MAST4: variants seen among roughly 807,000 people sequenced by gnomAD.
MAST4 encodes microtubule-associated serine/threonine-protein kinase 4.
Under a neutral mutation model 162.7 loss-of-function variants are expected in MAST4, and 89 were observed. The ratio of observed to expected loss-of-function variants is 0.55; its 90% CI spans 0.46 to 0.65. The LOEUF (loss-of-function observed/expected upper bound fraction) is 0.65, where lower values mean the gene tolerates loss of function less well. MAST4 is among the 30% of genes least tolerant of loss of function. The probability of loss-of-function intolerance (pLI) is 0.00; values close to 1 mark genes in which losing one functional copy is unlikely to be tolerated. For missense variants in MAST4, 3,153 were observed against 3,374.0 expected, an observed-to-expected ratio of 0.93 and a Z score of 1.62; for synonymous variants, 1,479 against 1,361.1, an observed-to-expected ratio of 1.09 and a Z score of -1.91.
intron 4 of MAST4, among the ~76,000 whole-genome samples, chr5:66,910,741 C>CTTTGTTTTTTTT (rs1763690763): frequency 1.6e-3 from 33 of 20,100 alleles, no homozygotes; most frequent in South Asian, 8.3e-3. Context: ...TTTTTTTTTT[C>CTTTGTTTTTTTT]TTTTTTTTTT....
chr5:67,063,572 C>T (rs1374773793), intron 5 of MAST4, among the ~76,000 whole-genome samples: 1 of 151,408 alleles, frequency 6.6e-6, no homozygotes, highest in Non-Finnish European at 1.5e-5. Flanking sequence ...CTGTTGGAAA[C>T]TGATGCCTAA....
At chr5:67,089,235 C>A (rs1049621882) in intron 5 of MAST4, among the ~76,000 whole-genome samples, 2 of 152,226 alleles carry the variant, frequency 1.3e-5, no homozygotes, top group Non-Finnish European at 2.9e-5. Context: ...TCAGACAATT[C>A]CGCCAATCTA....
intron 1 of MAST4, among the ~76,000 whole-genome samples, chr5:66,673,018 A>G (rs1002271796): frequency 6.6e-6 from 1 of 152,014 alleles, no homozygotes; most frequent in Admixed American, 6.5e-5. Flanking sequence ...TTTTGTTTTA[A>G]TTAGCGTTTC....
At position 67,142,141 on chromosome 5, in the gene MAST4, C is replaced by G. The variant is rs1284286706; in HGVS notation, c.2521C>G (p.Arg841Gly). The change falls in exon 20 of 29, where the codon CGA (arginine) becomes GGA (glycine). Residue 841 changes from arginine to glycine, a missense_variant. Arg to Gly is a moderately radical substitution (Grantham distance 125). Transcript: ENST00000403625. ...TGGAYEVKQH[R>G]FFRSLDWNSL... Reference sequence around the variant, plus strand: ...TGGTGCATATGAAGTCAAACAGCATCGATTCTTCCGTTCTTTAGACTGGAA... The same window carrying G: ...TGGTGCATATGAAGTCAAACAGCATGGATTCTTCCGTTCTTTAGACTGGAA... The G allele has an allele frequency of 1.2e-6, 2 of 1,613,866 alleles. No homozygotes were observed. Among genetic ancestry groups the G allele is most frequent in the Non-Finnish European group, 1.7e-6 (2 of 1,179,804 alleles).
In MAST4 at chr5:66,951,632, G is replaced by GTGTGTATGTA. The variant is rs1554072457; in HGVS notation, c.674+51655_674+51656insATGTATGTGT. Among the ~76,000 whole-genome samples, 233 of 133,578 alleles carry GTGTGTATGTA rather than the reference G, an allele frequency of 1.7e-3. 3 individuals carry two copies. Among genetic ancestry groups the GTGTGTATGTA allele is most frequent in the African/African-American group, 6.2e-3 (225 of 36,048 alleles). 87.6% of individuals were successfully genotyped at this position (133,578 alleles called of 152,430 possible). On this transcript the variant is annotated intron_variant, in intron 4 of 28. Coordinates refer to ENST00000403625, the MANE Select transcript of MAST4 (RefSeq NM_001164664.2). ...TGTGTGTGTGTGTGTGTGTGTGTGT[G>GTGTGTATGTA]TGTGTGTGTGTGTGTGTGTGTATTT...
At chr5:67,008,248 A>G (rs2150343428) in intron 4 of MAST4, among the ~76,000 whole-genome samples, 1 of 152,336 alleles carries the variant, frequency 6.6e-6, no homozygotes, top group South Asian at 2.1e-4. Context: ...AGACTGAAGT[A>G]ATGATTGCAT....
intron 26 of MAST4, among the ~76,000 whole-genome samples, chr5:67,157,113 A>G (rs1581752643): frequency 6.6e-6 from 1 of 152,254 alleles, no homozygotes; most frequent in Non-Finnish European, 1.5e-5. Context: ...AAATCGACCT[A>G]GTAAGCCACC....
In MAST4 at chr5:66,651,982, C is replaced by T. The variant is rs140271691; in HGVS notation, c.363+54964C>T. 7.1e-4 allele frequency among the ~76,000 whole-genome samples: 108 copies of T among 152,196 alleles called. 1 individual carries two copies. The highest frequency in any genetic ancestry group is 2.6e-3 in the African/African-American group (106 of 41,502). On this transcript the variant is annotated intron_variant, in intron 1 of 28. Coordinates refer to ENST00000403625, the MANE Select transcript of MAST4 (RefSeq NM_001164664.2). ...TTGGAAGTGATAGTCTATAATTTTG[C>T]CATGTTCTGGTCATCTGAAGCAAGT... is the stretch of plus-strand genomic sequence containing the variant.
intron 3 of MAST4, among the ~76,000 whole-genome samples, chr5:66,803,698 A>G (rs1580488540): frequency 6.6e-6 from 1 of 152,336 alleles, no homozygotes; most frequent in East Asian, 1.9e-4. Context: ...TTACTAATTT[A>G]TAATGATTCT....
intron 2 of MAST4, among the ~76,000 whole-genome samples, chr5:66,767,172 TGTGTGTGTG>T (rs1268064309): frequency 0.026 from 868 of 33,990 alleles, 7 homozygotes; most frequent in African/African-American, 0.054. Context: ...AAAGTGCACG[TGTGTGTGTG>T]TGTGTGTGTG....
Position 66,995,888 on chromosome 5 carries a change from T to TACACAC in MAST4, c.675-58496_675-58491dup, listed in dbSNP as rs34561453. ...GATGCTCTCTCAAAACACACTCACA[T>TACACAC]ACACACACACACACACACACACACA... is the stretch of plus-strand genomic sequence containing the variant. On this transcript the variant is annotated intron_variant, in intron 4 of 28. Transcript: ENST00000403625. Among the ~76,000 whole-genome samples the TACACAC allele has an allele frequency of 7.5e-3, 1,112 of 147,306 alleles. 17 individuals carry two copies. Among genetic ancestry groups the TACACAC allele is most frequent in the African/African-American group, 0.026 (1,032 of 40,274 alleles).
chr5:66,828,100 T>G (rs1757361172), intron 3 of MAST4, among the ~76,000 whole-genome samples: 1 of 152,206 alleles, frequency 6.6e-6, no homozygotes, highest in South Asian at 2.1e-4. Flanking sequence ...TTTTACATTT[T>G]GGTCAGGTAT....
intron 24 of MAST4, among the ~76,000 whole-genome samples, chr5:67,152,366 T>G (rs1249812391): frequency 6.6e-6 from 1 of 152,242 alleles, no homozygotes; most frequent in Non-Finnish European, 1.5e-5. Flanking sequence ...ACTAAAAAAT[T>G]ATAACATGAG....
intron 4 of MAST4, among the ~76,000 whole-genome samples, chr5:67,037,051 G>T (rs1184142358): frequency 6.6e-6 from 1 of 152,050 alleles, no homozygotes; most frequent in Non-Finnish European, 1.5e-5. Context: ...ACAAAAACCT[G>T]CCACATAAAA....
chr5:66,979,101 A>G lies in MAST4; in HGVS notation c.675-75303A>G, dbSNP rs117650161. Among the ~76,000 whole-genome samples the G allele has an allele frequency of 4.7e-4, 71 of 152,338 alleles. No individual in the cohort carries two copies. In the East Asian group the frequency reaches 0.011, roughly 23 times the overall value. On this transcript the variant is annotated intron_variant, in intron 4 of 28. Coordinates refer to ENST00000403625, the MANE Select transcript of MAST4 (RefSeq NM_001164664.2). ...GAATTGCTATATCTCAGATAGAAGC[A>G]GGGATAACAATCCATTTTGAAGATA...
chr5:66,663,864 T>C (rs753472454), intron 1 of MAST4, among the ~76,000 whole-genome samples: 22 of 152,048 alleles, frequency 1.4e-4, no homozygotes, highest in Non-Finnish European at 2.6e-4. Flanking sequence ...TGAGGATAGA[T>C]TGTGGGAGGC....
chr5:66,678,375 A>G (rs1196337665), intron 1 of MAST4, among the ~76,000 whole-genome samples: 1 of 152,098 alleles, frequency 6.6e-6, no homozygotes, highest in African/African-American at 2.4e-5. Context: ...AAAAATTGCT[A>G]AGTAGATCCT....
chr5:66,896,566 A>G (rs461959), intron 3 of MAST4, among the ~76,000 whole-genome samples: 52,908 of 152,218 alleles, frequency 0.35, 10,196 homozygotes, highest in Non-Finnish European at 0.45. Flanking sequence ...CTTTTAAATC[A>G]TAAATTTACC....
In MAST4 at chr5:67,109,964, A is replaced by G. The variant is rs902954431; in HGVS notation, c.1357-134A>G. On this transcript the variant is annotated intron_variant, in intron 10 of 28. Coordinates refer to ENST00000403625, the MANE Select transcript of MAST4 (RefSeq NM_001164664.2). ...ATATACAGATAATGTCTGTTTATCA[A>G]TCTTTTAATAGCATTTTCTAAATTA... 1.4e-5 allele frequency: 9 copies of G among 624,296 alleles called. No individual in the cohort carries two copies. In the Admixed American group the frequency reaches 1.6e-4, roughly 11 times the overall value. 38.7% of individuals were successfully genotyped at this position (624,296 alleles called of 1,614,324 possible).
Sources: allele counts gnomAD v4.1 joint callset (sites outside exome capture counted in the v4.1 genomes callset), GRCh38; gene constraint gnomAD v4.1.1; transcripts MANE v1.5; gene names NCBI Gene and HGNC (gene_info 2026-07-23, HGNC 2026-07-21).